FKBP5: variants seen among roughly 807,000 people sequenced by gnomAD.
The protein encoded by FKBP5 is peptidyl-prolyl cis-trans isomerase FKBP5.
A neutral mutation model predicts 50.5 loss-of-function variants in FKBP5; 23 were observed. The ratio of observed to expected loss-of-function variants is 0.46; its 90% CI spans 0.33 to 0.65. FKBP5 has a LOEUF of 0.65. Among genes scored for constraint, FKBP5 ranks in the 30% least tolerant of loss-of-function variants. The pLI, the probability that FKBP5 is intolerant of heterozygous loss-of-function variation, is 0.02. For missense variants in FKBP5, 411 were observed against 553.1 expected, an observed-to-expected ratio of 0.74 and a Z score of 2.58; for synonymous variants, 176 against 190.6, an observed-to-expected ratio of 0.92 and a Z score of 0.63.
At chr6:35,591,061 A>C in intron 7 of FKBP5, 69 bp downstream of exon 7, 1 of 1,012,698 alleles carries the variant, frequency 9.9e-7, no homozygotes, top group African/African-American at 1.6e-5. Flanking sequence ...CTAAGATAAG[A>C]TACTGATTTA....
chr6:35,653,999 T>C (rs1320703495), intron 1 of FKBP5, among the ~76,000 whole-genome samples: 3 of 152,176 alleles, frequency 2.0e-5, no homozygotes, highest in Non-Finnish European at 4.4e-5. Context: ...TGTGTATAAG[T>C]ACATGTGAAC....
intron 2 of FKBP5, among the ~76,000 whole-genome samples, chr6:35,699,590 T>G (rs1431666084): frequency 1.3e-5 from 2 of 152,190 alleles, no homozygotes; most frequent in Non-Finnish European, 2.9e-5. Context: ...GAGCTTGACG[T>G]CCATACTTTC....
At position 35,656,356 on chromosome 6, in the gene FKBP5, C is replaced by T. The variant is rs1764948465; in HGVS notation, c.-19-13513G>A. ...TTCGGGGGTTAGACTAGAATCATATCTAAGGTTTATTCCAACTCTGTTATT... is the reference window on the plus strand; with the variant it reads ...TTCGGGGGTTAGACTAGAATCATATTTAAGGTTTATTCCAACTCTGTTATT... On this transcript the variant is annotated intron_variant, in intron 1 of 10. Coordinates refer to ENST00000357266, the MANE Select transcript of FKBP5 (RefSeq NM_004117.4). Among the ~76,000 whole-genome samples the T allele has an allele frequency of 5.3e-5, 8 of 152,238 alleles. No homozygotes were observed. The South Asian group carries it at 1.7e-3, about 32-fold the overall frequency.
rs1297712839 is a variant in FKBP5 at position 35,576,680 on chromosome 6, C to T, written c.1266+314G>A. 5.1e-5 allele frequency among the ~76,000 whole-genome samples: 5 copies of T among 97,980 alleles called. No homozygotes were observed. In the Admixed American group the frequency reaches 5.3e-4, roughly 10 times the overall value. The allele number at this position is 97,980 out of a possible 152,430, so 64.3% of individuals were successfully genotyped here. On this transcript the variant is annotated intron_variant, in intron 10 of 10. Coordinates refer to ENST00000357266, the MANE Select transcript of FKBP5 (RefSeq NM_004117.4). ...TGAGACTCTGACTCGGGCAGGGGCC[C>T]GGGGGGCGGGCGGGGGGAGTTGGTG...
rs567326031 is a variant in FKBP5 at position 35,625,946 on chromosome 6, A to AT, written c.251-5673dup. 4.2e-3 allele frequency among the ~76,000 whole-genome samples: 635 copies of AT among 150,158 alleles called. 8 individuals carry two copies. Among genetic ancestry groups the AT allele is most frequent in the African/African-American group, 0.015 (610 of 40,876 alleles). On this transcript the variant is annotated intron_variant, in intron 3 of 10. Coordinates refer to ENST00000357266, the MANE Select transcript of FKBP5 (RefSeq NM_004117.4). ...AGGCGCTAGCCACCACTCCTGGCTAATTTTTTGTATTTTTAGTAGAGATGG... is the reference window on the plus strand; with the variant it reads ...AGGCGCTAGCCACCACTCCTGGCTAATTTTTTTGTATTTTTAGTAGAGATGG...
intron 1 of FKBP5, among the ~76,000 whole-genome samples, chr6:35,684,104 A>G (rs1228963434): frequency 6.6e-6 from 1 of 152,120 alleles, no homozygotes; most frequent in Non-Finnish European, 1.5e-5. Context: ...TAGCTTTCAC[A>G]GATGTGTGAC....
chr6:35,618,146 C>G (rs1369124330), intron 5 of FKBP5, among the ~76,000 whole-genome samples: 1 of 152,130 alleles, frequency 6.6e-6, no homozygotes, highest in Non-Finnish European at 1.5e-5. Context: ...CTTTTCTCAT[C>G]TGGGGACAAG....
In FKBP5 at chr6:35,657,220, AAAAAAAG is replaced by A. The variant is rs928364533; in HGVS notation, c.-19-14384_-19-14378del. Among the ~76,000 whole-genome samples, 24 of 152,296 alleles carry A rather than the reference AAAAAAAG, an allele frequency of 1.6e-4. No individual in the cohort carries two copies. In the East Asian group the frequency reaches 3.1e-3, roughly 20 times the overall value. ...ACAAAGTGAGACTCCGTCTCAAGTA[AAAAAAAG>A]AAAAAAGAAAAAATTAACACAAACT... On this transcript the variant is annotated intron_variant, in intron 1 of 10. Coordinates refer to ENST00000357266, the MANE Select transcript of FKBP5 (RefSeq NM_004117.4).
chr6:35,613,446 C>T (rs565092075), intron 5 of FKBP5, among the ~76,000 whole-genome samples: 1 of 152,164 alleles, frequency 6.6e-6, no homozygotes, highest in Non-Finnish European at 1.5e-5. Context: ...AAATTCCTGA[C>T]CTCACGTGAT....
chr6:35,593,289 TAA>T (rs1368713165), intron 6 of FKBP5, among the ~76,000 whole-genome samples: 2 of 152,188 alleles, frequency 1.3e-5, no homozygotes, highest in African/African-American at 4.8e-5. Flanking sequence ...GCCCTTGAAT[TAA>T]GAGTTTCCTC....
At chr6:35,623,008 T>C (rs929784237) in intron 3 of FKBP5, among the ~76,000 whole-genome samples, 6 of 152,216 alleles carry the variant, frequency 3.9e-5, no homozygotes, top group South Asian at 2.1e-4. Context: ...TTTGGGAGGC[T>C]GAGGCGGGCG....
intron 1 of FKBP5, among the ~76,000 whole-genome samples, chr6:35,720,751 A>G (rs1223504265): frequency 6.6e-6 from 1 of 152,106 alleles, no homozygotes; most frequent in Non-Finnish European, 1.5e-5. Context: ...AGCTCCTTGG[A>G]GCCACGATCA....
intron 2 of FKBP5, among the ~76,000 whole-genome samples, chr6:35,707,778 C>G (rs754769198): frequency 3.3e-5 from 5 of 152,122 alleles, no homozygotes; most frequent in Non-Finnish European, 7.4e-5. Context: ...CATCATTTAG[C>G]TCCTACGTAC....
rs1387421216 is a variant in FKBP5 at position 35,575,816 on chromosome 6, T to C, written c.*19A>G. On this transcript the variant is annotated 3_prime_UTR_variant, in exon 11 of 11. Coordinates refer to ENST00000357266, the MANE Select transcript of FKBP5 (RefSeq NM_004117.4). ...GGAGGGGCCGAGTTCACTGGGACTC[T>C]TCCCTCCTTGGCGTGGCGTCATACG... is the stretch of plus-strand genomic sequence containing the variant. 4.6e-6 allele frequency: 7 copies of C among 1,532,222 alleles called. No individual in the cohort carries two copies. Among genetic ancestry groups the C allele is most frequent in the Non-Finnish European group, 6.3e-6 (7 of 1,105,368 alleles). 94.9% of individuals were successfully genotyped at this position (1,532,222 alleles called of 1,614,324 possible).
intron 1 of FKBP5, among the ~76,000 whole-genome samples, chr6:35,672,043 T>C (rs1180238293): frequency 6.6e-6 from 1 of 152,124 alleles, no homozygotes; most frequent in African/African-American, 2.4e-5. Flanking sequence ...TAATTTTTTG[T>C]ATTTTTAGTA....
intron 5 of FKBP5, among the ~76,000 whole-genome samples, chr6:35,603,777 T>G (rs1487785889): frequency 6.6e-6 from 1 of 151,814 alleles, no homozygotes; most frequent in Non-Finnish European, 1.5e-5. Context: ...CAACCTTCAC[T>G]TACTGCAACC....
chr6:35,596,555 A>T (rs2150963830), intron 6 of FKBP5, among the ~76,000 whole-genome samples: 1 of 152,212 alleles, frequency 6.6e-6, no homozygotes, highest in East Asian at 1.9e-4. Flanking sequence ...AGATAAGCAG[A>T]TGCACTCTCA....
intron 2 of FKBP5, among the ~76,000 whole-genome samples, chr6:35,699,899 T>G (rs1310430437): frequency 6.6e-6 from 1 of 151,818 alleles, no homozygotes; most frequent in Admixed American, 6.6e-5. Context: ...ATACAAAAAT[T>G]AGCCAGGTGT....
intron 1 of FKBP5, among the ~76,000 whole-genome samples, chr6:35,653,156 G>A (rs933625548): frequency 6.6e-6 from 1 of 152,112 alleles, no homozygotes; most frequent in Non-Finnish European, 1.5e-5. Flanking sequence ...TTCAAGACCA[G>A]CCTGGGCAAG....
Sources: allele counts gnomAD v4.1 joint callset (sites outside exome capture counted in the v4.1 genomes callset), GRCh38; gene constraint gnomAD v4.1.1; transcripts MANE v1.5; gene names NCBI Gene and HGNC (gene_info 2026-07-23, HGNC 2026-07-21).